FLVCR1: variants seen among roughly 807,000 people sequenced by gnomAD.
FLVCR1 encodes the protein FLVCR choline and heme transporter 1.
FLVCR1 carries 34 observed loss-of-function variants against 53.6 expected under a neutral mutation model. The ratio of observed to expected loss-of-function variants is 0.63; its 90% confidence interval spans 0.48 to 0.84. FLVCR1 has a LOEUF of 0.84. Among genes scored for constraint, FLVCR1 ranks in the 40% least tolerant of loss-of-function variants. FLVCR1 has a pLI of 0.00. For synonymous variants in FLVCR1, 300 were observed against 286.3 expected (o/e 1.05, Z -0.48); for missense variants, 677 against 696.7 (o/e 0.97, Z 0.32).
rs758114033 is a variant in FLVCR1 at position 212,885,318 on chromosome 1, T to C, written c.1118T>C (p.Ile373Thr). 1.2e-6 allele frequency: 2 copies of C among 1,614,058 alleles called. No homozygotes were observed. The highest frequency in any genetic ancestry group is 1.3e-5 in the African/African-American group (1 of 75,040). Residue 373 changes from isoleucine (I) to threonine (T), a missense_variant, in exon 5 of 10, where the codon ATT (isoleucine) becomes ACT (threonine). Ile to Thr is a moderately conservative substitution (Grantham distance 89). Coordinates refer to ENST00000366971, the MANE Select transcript of FLVCR1 (RefSeq NM_014053.4). ...GGAGAAGAAGTCAATGCTGGAAGGA[T>C]TGGGCTAACGCTAGTAGTAGCTGGA... ...YEGEEVNAGRIGLTLVVAGMV... is the reference protein window; with the variant it reads ...YEGEEVNAGRTGLTLVVAGMV...
chr1:212,872,930 T>C (rs1224330956), intron 3 of FLVCR1, 112 bp downstream of exon 3: 2 of 1,048,338 alleles, frequency 1.9e-6, no homozygotes, highest in South Asian at 2.7e-5. Context: ...CTGTTAACTC[T>C]ACAGCATAAT....
chr1:212,889,686 A>G (rs1267274122), intron 8 of FLVCR1, among the ~76,000 whole-genome samples: 1 of 151,002 alleles, frequency 6.6e-6, no homozygotes, highest in Non-Finnish European at 1.5e-5. Context: ...TGAACCCAGG[A>G]GACAGAGGTT....
In FLVCR1 at chr1:212,858,348, C is replaced by G. The variant is rs937590890; in HGVS notation, c.-105C>G. Reference sequence around the variant, plus strand: ...CGCCACCGGGGAAGGAGCGGTGGGCCGAGGGGTTGGAGGTGGGGCCCCAGG... The same window carrying G: ...CGCCACCGGGGAAGGAGCGGTGGGCGGAGGGGTTGGAGGTGGGGCCCCAGG... On this transcript the variant is annotated 5_prime_UTR_variant, in exon 1 of 10. Transcript: ENST00000366971. 1.8e-6 allele frequency: 2 copies of G among 1,106,890 alleles called. No individual in the cohort carries two copies. The allele number at this position is 1,106,890 out of a possible 1,614,324, so 68.6% of individuals were successfully genotyped here.
In FLVCR1 at chr1:212,858,853, T is replaced by C; in HGVS notation, c.401T>C (p.Val134Ala). 1 of 1,614,222 alleles carries C rather than the reference T, an allele frequency of 6.2e-7. No homozygotes were observed. Reference sequence around the variant, plus strand: ...ATCCAGTACAGCATCATTAGCAACGTCTTCGAGGGCTTCTACGGTGTCACC... The same window carrying C: ...ATCCAGTACAGCATCATTAGCAACGCCTTCGAGGGCTTCTACGGTGTCACC... ...QWIQYSIISN[V>A]FEGFYGVTLL... is the part of the protein sequence containing the mutation. Residue 134 changes from valine to alanine, a missense_variant, in exon 1 of 10, where the codon GTC (valine) becomes GCC (alanine). Physicochemically the swap from Val to Ala is moderately conservative, Grantham distance 64. Coordinates refer to ENST00000366971, the MANE Select transcript of FLVCR1 (RefSeq NM_014053.4).
rs1447048448 is a variant in FLVCR1 at position 212,898,290 on chromosome 1, T to A, written c.*3000T>A. The A allele has an allele frequency of 2.0e-5, 3 of 152,258 alleles. No individual in the cohort carries two copies. Among genetic ancestry groups the A allele is most frequent in the African/African-American group, 4.8e-5 (2 of 41,470 alleles). 9.4% of individuals were successfully genotyped at this position (152,258 alleles called of 1,614,324 possible). On this transcript the variant is annotated 3_prime_UTR_variant, in exon 10 of 10. Transcript: ENST00000366971. ...CTACCTTATGGATACAACGGACTTT[T>A]ACATTTCTTTTTAGCCTTTTTAGTC...
At chr1:212,874,242 C>G (rs1168628335) in intron 3 of FLVCR1, among the ~76,000 whole-genome samples, 1 of 152,054 alleles carries the variant, frequency 6.6e-6, no homozygotes, top group Non-Finnish European at 1.5e-5. Flanking sequence ...CTCCTGACCA[C>G]AGGTGATCTG....
intron 6 of FLVCR1, 149 bp from the exon 7 acceptor site, chr1:212,888,340 A>G (rs542203034): frequency 4.3e-6 from 3 of 697,236 alleles, no homozygotes; most frequent in African/African-American, 3.5e-5. Flanking sequence ...TGATTGGTCA[A>G]TGATAATAGT....
chr1:212,882,911 A>G (rs1189849646), intron 3 of FLVCR1, among the ~76,000 whole-genome samples: 1 of 152,196 alleles, frequency 6.6e-6, no homozygotes, highest in Non-Finnish European at 1.5e-5. Context: ...AAAAAAAAGT[A>G]TTAACTGATT....
intron 3 of FLVCR1, among the ~76,000 whole-genome samples, chr1:212,881,372 T>C (rs1426232737): frequency 7.0e-6 from 1 of 142,132 alleles, no homozygotes; most frequent in Non-Finnish European, 1.5e-5. Flanking sequence ...AGAGTCTCGC[T>C]CTGTCACCCA....
intron 2 of FLVCR1, among the ~76,000 whole-genome samples, chr1:212,869,369 T>A (rs1372813842): frequency 1.3e-5 from 2 of 152,260 alleles, no homozygotes; most frequent in Non-Finnish European, 2.9e-5. Flanking sequence ...CATAGATCCA[T>A]GGCTTTTTGT....
chr1:212,888,349 G>C (rs1665111019), intron 6 of FLVCR1, 140 bp from the exon 7 acceptor site: 5 of 709,166 alleles, frequency 7.1e-6, no homozygotes, highest in Non-Finnish European at 1.3e-5. Flanking sequence ...AATGATAATA[G>C]TTCCTTACTT....
chr1:212,885,006 GA>G (rs1665022412), intron 4 of FLVCR1, among the ~76,000 whole-genome samples: 1 of 152,170 alleles, frequency 6.6e-6, no homozygotes, highest in Non-Finnish European at 1.5e-5. Flanking sequence ...CTATACTTAA[GA>G]ATCCTAACAA....
intron 2 of FLVCR1, among the ~76,000 whole-genome samples, chr1:212,865,485 A>ATTTTTTTTTT (rs58544929): frequency 0.028 from 3,713 of 133,236 alleles, 396 homozygotes; most frequent in African/African-American, 0.089. Context: ...TGCAATAGGG[A>ATTTTTTTTTT]TTTTTTTTTT....
chr1:212,879,955 T>C (rs1345055731), intron 3 of FLVCR1, among the ~76,000 whole-genome samples: 1 of 146,178 alleles, frequency 6.8e-6, no homozygotes, highest in Non-Finnish European at 1.5e-5. Context: ...TACCATACTC[T>C]AGGTTCAGAT....
intron 4 of FLVCR1, among the ~76,000 whole-genome samples, chr1:212,884,191 C>A (rs1051798998): frequency 6.6e-6 from 1 of 151,972 alleles, no homozygotes; most frequent in Admixed American, 6.5e-5. Context: ...TCCAGCTATT[C>A]GGGAGGCTGA....
At position 212,876,921 on chromosome 1, in the gene FLVCR1, T is replaced by C. The variant is rs118113100; in HGVS notation, c.1024+4103T>C. Among the ~76,000 whole-genome samples, 660 of 152,320 alleles carry C rather than the reference T, an allele frequency of 4.3e-3. 31 individuals carry two copies. The East Asian group carries it at 0.1, about 23-fold the overall frequency. ...TCTTGGAAATTGTCACACTGTCTTC[T>C]ACAATGGTTGAATTAATTTGTACTC... On this transcript the variant is annotated intron_variant, in intron 3 of 9. Coordinates refer to ENST00000366971, the MANE Select transcript of FLVCR1 (RefSeq NM_014053.4).
intron 3 of FLVCR1, among the ~76,000 whole-genome samples, chr1:212,881,426 C>T (rs1283258569): frequency 2.0e-5 from 3 of 151,512 alleles, no homozygotes; most frequent in Non-Finnish European, 2.9e-5. Context: ...GCAACCTCCA[C>T]CTCCCGGATT....
At position 212,885,558 on chromosome 1, in the gene FLVCR1, T is replaced by TTC; in HGVS notation, c.1196+163_1196+164insCT. On this transcript the variant is annotated intron_variant, in intron 5 of 9. Coordinates refer to ENST00000366971, the MANE Select transcript of FLVCR1 (RefSeq NM_014053.4). Reference sequence around the variant, plus strand: ...TCACTTAACAAGTGTTTCTTTTTTTTTTTTTTTTTTGAGACGGAGTCTCGT... The same window carrying TTC: ...TCACTTAACAAGTGTTTCTTTTTTTTTCTTTTTTTTTTGAGACGGAGTCTCGT... 6.4e-6 allele frequency: 3 copies of TTC among 469,660 alleles called. 1 individual carries two copies. In the Admixed American group the frequency reaches 1.0e-4, roughly 16 times the overall value. The allele number at this position is 469,660 out of a possible 1,614,324, so 29.1% of individuals were successfully genotyped here.
In FLVCR1 at chr1:212,895,496, A is replaced by C; in HGVS notation, c.*206A>C. The C allele has an allele frequency of 1.7e-6, 1 of 594,928 alleles. No homozygotes were observed. The allele number at this position is 594,928 out of a possible 1,614,324, so 36.9% of individuals were successfully genotyped here. On this transcript the variant is annotated 3_prime_UTR_variant, in exon 10 of 10. Coordinates refer to ENST00000366971, the MANE Select transcript of FLVCR1 (RefSeq NM_014053.4). ...ATTTTCTTAAAATTCTTCTGTTTAC[A>C]TCATGTTAACACTACTGTTTATCTA...
Sources: allele counts gnomAD v4.1 joint callset (sites outside exome capture counted in the v4.1 genomes callset), GRCh38; gene constraint gnomAD v4.1.1; transcripts MANE v1.5; gene names NCBI Gene and HGNC (gene_info 2026-07-23, HGNC 2026-07-21).